Variants in ACHE observed in about 807,000 individuals in gnomAD.
The protein encoded by ACHE is acetylcholinesterase.
ACHE carries 19 observed loss-of-function variants against 53.9 expected under a neutral mutation model. The observed-to-expected ratio is 0.35, with a 90% CI of 0.25 to 0.52. ACHE has a LOEUF of 0.52. ACHE is among the 20% of genes least tolerant of loss of function. ACHE has a pLI of 0.95. For synonymous variants in ACHE, 392 were observed against 378.1 expected (o/e 1.04, Z -0.43); for missense variants, 605 against 849.4 (o/e 0.71, Z 3.58).
At position 100,891,099 on chromosome 7, in the gene ACHE, AAG is replaced by A. The variant is rs1375740190; in HGVS notation, c.1723+68_1723+69del. On this transcript the variant is annotated intron_variant, in intron 4 of 4. Transcript: ENST00000241069. ...TGGGAGCCTCCGAGGCTAGGGGGAG[AAG>A]AGAGGGGTTACACCTGGCGGGCTCC... The A allele has an allele frequency of 1.9e-6, 3 of 1,547,988 alleles. No homozygotes were observed. In the South Asian group the frequency reaches 3.6e-5, roughly 18 times the overall value.
upstream of ACHE, chr7:100,896,980 G>A (rs1324682131): frequency 6.7e-6 from 1 of 150,022 alleles, no homozygotes; most frequent in African/African-American, 2.4e-5. Context: ...GCGCAGGCCA[G>A]CGTCGGGCGT....
rs977063033 is a variant in ACHE, at chr7:100,891,291, T to A, written c.1601A>T (p.Tyr534Phe). Residue 534 changes from tyrosine (Y) to phenylalanine (F), a missense_variant, in exon 4 of 5, where the codon TAC becomes TTC. Coordinates refer to ENST00000241069, the MANE Select transcript of ACHE (RefSeq NM_000665.5). ...RDPKAPQWPP[Y>F]TAGAQQYVSL... ...AACGTACTGCTGAGCCCCCGCCGTG[T>A]ACGGGGGCCATTGTGGGGCCTTGGG... 5 of 1,600,514 alleles carry A rather than the reference T, an allele frequency of 3.1e-6. No individual in the cohort carries two copies. The highest frequency in any genetic ancestry group is 4.3e-6 in the Non-Finnish European group (5 of 1,174,762).
In ACHE at chr7:100,893,197, G is replaced by C; in HGVS notation, c.1036C>G (p.Leu346Val). The change falls in exon 2 of 5, where the codon CTC (leucine) becomes GTC (valine). Residue 346 changes from leucine to valine, a missense_variant. Leu to Val is a conservative substitution (Grantham distance 32). This residue lies in a region of ACHE where 397 missense variants were observed against 632.5 expected (regional missense o/e 0.63). Coordinates refer to ENST00000241069, the MANE Select transcript of ACHE (RefSeq NM_000665.5). ...CCGTGGAAGTCTCCCGCGTTGATGAGGGCCTCTGGGGTGTCACTGAGGAAG... is the reference window on the plus strand; with the variant it reads ...CCGTGGAAGTCTCCCGCGTTGATGACGGCCTCTGGGGTGTCACTGAGGAAG... ...GDFLSDTPEA[L>V]INAGDFHGLQ... 1 of 1,614,012 alleles carries C rather than the reference G, an allele frequency of 6.2e-7. No individual in the cohort carries two copies. Among genetic ancestry groups the C allele is most frequent in the Non-Finnish European group, 8.5e-7 (1 of 1,180,008 alleles).
intron 4 of ACHE, chr7:100,890,873 TGA>T: frequency 6.9e-7 from 1 of 1,459,018 alleles, no homozygotes; most frequent in South Asian, 1.5e-5. Context: ...GCACTAGGTC[TGA>T]GATCCCTGAG....
rs1175797633 is a variant in ACHE at position 100,894,190 on chromosome 7, A to G, written c.43T>C (p.Ser15Pro). The G allele has an allele frequency of 6.8e-7, 1 of 1,477,098 alleles. No homozygotes were observed. The highest frequency in any genetic ancestry group is 2.5e-5 in the Admixed American group (1 of 40,506). The allele number at this position is 1,477,098 out of a possible 1,614,324, so 91.5% of individuals were successfully genotyped here. A position where few individuals can be genotyped will look rare whatever the true frequency, so the allele number is the denominator to read the frequency against. The change falls in exon 2 of 5, where the codon TCC (serine) becomes CCC (proline). Residue 15 changes from serine (S) to proline (P), a missense_variant. By Grantham distance (74) the Ser-to-Pro change is moderately conservative. Transcript: ENST00000241069. Reference protein sequence around the residue: ...QCLLHTPSLASPLLLLLLWLL... With the variant: ...QCLLHTPSLAPPLLLLLLWLL... ...CAGAGGAGGAGGAGAAGGAGTGGGGAAGCCAGGGAAGGCGTGTGCAGCAGA... is the reference window on the plus strand; with the variant it reads ...CAGAGGAGGAGGAGAAGGAGTGGGGGAGCCAGGGAAGGCGTGTGCAGCAGA...
At chr7:100,890,776 G>T in intron 4 of ACHE, 1 of 1,350,282 alleles carries the variant, frequency 7.4e-7, no homozygotes, top group Admixed American at 3.6e-5. Context: ...AACAACAAAG[G>T]CGTGGGGGTC....
intron 1 of ACHE, among the ~76,000 whole-genome samples, chr7:100,894,865 TCCCAG>T (rs1009210693): frequency 2.0e-5 from 3 of 149,156 alleles, no homozygotes; most frequent in African/African-American, 7.5e-5. Context: ...CTGCGCACGC[TCCCAG>T]CCCAGCCCCA....
intron 1 of ACHE, chr7:100,894,469 T>G: frequency 2.4e-6 from 1 of 415,390 alleles, no homozygotes. Flanking sequence ...CAGACACCCA[T>G]ATCCAGACAA....
chr7:100,892,325 A>G lies in ACHE; in HGVS notation c.1553+9T>C. On this transcript the variant is annotated intron_variant, in intron 3 of 4. Transcript: ENST00000241069. The surrounding 1 kb of genome is among the most constrained non-coding windows in gnomAD (Gnocchi z 5.2). ...CCTCCCCAGCCTTCTCTCCCTCTGC[A>G]CTGCTGACCCTGTGCGGGCAAAGTT... 2.0e-6 allele frequency: 3 copies of G among 1,503,446 alleles called. No homozygotes were observed. Among genetic ancestry groups the G allele is most frequent in the East Asian group, 2.3e-5 (1 of 43,584 alleles). The allele number at this position is 1,503,446 out of a possible 1,614,324, so 93.1% of individuals were successfully genotyped here.
At chr7:100,896,433 T>A (rs1462628603), upstream of ACHE, 1 of 177,844 alleles carries the variant, frequency 5.6e-6, no homozygotes, top group Non-Finnish European at 1.3e-5. Context: ...CGTGGGACAC[T>A]CCTGGGGATG....
intron 3 of ACHE, among the ~76,000 whole-genome samples, chr7:100,891,683 G>C (rs928005704): frequency 1.3e-5 from 2 of 151,814 alleles, no homozygotes; most frequent in Non-Finnish European, 1.5e-5. Context: ...TCCTCTTCTC[G>C]ATCCAGGTAA....
Position 100,892,095 on chromosome 7 carries a change from T to C in ACHE, c.1553+239A>G, listed in dbSNP as rs187473574. ...GAGCCACTGTGCCCCGCCCCCTCCA[T>C]GTCTACCTCGTCTCCTCCTCACTTT... On this transcript the variant is annotated intron_variant, in intron 3 of 4. Transcript: ENST00000241069. The surrounding 1 kb of genome is among the most constrained non-coding windows in gnomAD (Gnocchi z 5.2). Among the ~76,000 whole-genome samples, 17 of 151,970 alleles carry C rather than the reference T, an allele frequency of 1.1e-4. No individual in the cohort carries two copies. The highest frequency in any genetic ancestry group is 3.4e-4 in the African/African-American group (14 of 41,460).
chr7:100,892,271 T>G lies in ACHE; in HGVS notation c.1553+63A>C. On this transcript the variant is annotated intron_variant, in intron 3 of 4. Transcript: ENST00000241069. This position sits in a 1 kb window ranked among gnomAD's most constrained non-coding sequence, Gnocchi z 5.2. ...CCTTTCTGTCTCCGTGTGTCTGCCT[T>G]TGTGTGTCCTCCCGCCCCCGACTCC... 1 of 1,467,186 alleles carries G rather than the reference T, an allele frequency of 6.8e-7. No homozygotes were observed. 90.9% of individuals were successfully genotyped at this position (1,467,186 alleles called of 1,614,324 possible).
intron 4 of ACHE, 77 bp downstream of exon 4, chr7:100,891,092 G>C (rs1440181719): frequency 4.5e-6 from 7 of 1,540,334 alleles, no homozygotes; most frequent in South Asian, 1.2e-5. Flanking sequence ...TCCGAGGCTA[G>C]GGGGAGAAGA....
chr7:100,890,116 A>T lies in ACHE; in HGVS notation c.*98T>A, dbSNP rs1227046867. Reference sequence around the variant, plus strand: ...GTCGGGGTGGGGTGGGGATGGGCAGAGTCTGGGGCTCGTCTGTGTTATAGC... The same window carrying T: ...GTCGGGGTGGGGTGGGGATGGGCAGTGTCTGGGGCTCGTCTGTGTTATAGC... On this transcript the variant is annotated 3_prime_UTR_variant, in exon 5 of 5. Transcript: ENST00000241069. The T allele has an allele frequency of 2.0e-6, 3 of 1,466,288 alleles. No individual in the cohort carries two copies. The highest frequency in any genetic ancestry group is 2.8e-6 in the Non-Finnish European group (3 of 1,087,160). The allele number at this position is 1,466,288 out of a possible 1,614,324, so 90.8% of individuals were successfully genotyped here.
rs749004073 is a variant in ACHE at position 100,891,356 on chromosome 7, G to C, written c.1554-18C>G. The C allele has an allele frequency of 9.0e-5, 137 of 1,525,162 alleles. No individual in the cohort carries two copies. The highest frequency in any genetic ancestry group is 1.1e-4 in the Non-Finnish European group (131 of 1,141,398). The allele number at this position is 1,525,162 out of a possible 1,614,324, so 94.5% of individuals were successfully genotyped here. On this transcript the variant is annotated intron_variant, in intron 3 of 4. Coordinates refer to ENST00000241069, the MANE Select transcript of ACHE (RefSeq NM_000665.5). Reference sequence around the variant, plus strand: ...TGGGATCCCTGCGGAAGGAAGGGAAGGCTCAGTCCAGACGGGCAGTGGGAG... The same window carrying C: ...TGGGATCCCTGCGGAAGGAAGGGAACGCTCAGTCCAGACGGGCAGTGGGAG...
In ACHE at chr7:100,890,193, G is replaced by A; in HGVS notation, c.*21C>T. The A allele has an allele frequency of 6.2e-7, 1 of 1,613,540 alleles. No homozygotes were observed. Among genetic ancestry groups the A allele is most frequent in the Non-Finnish European group, 8.5e-7 (1 of 1,179,536 alleles). ...AGCTAGGGGGCCGGGCGGAGCGGAG[G>A]ACATGGGGGTCCCGCCGGGGTCACA... On this transcript the variant is annotated 3_prime_UTR_variant, in exon 5 of 5. Coordinates refer to ENST00000241069, the MANE Select transcript of ACHE (RefSeq NM_000665.5).
In ACHE at chr7:100,891,343, G is replaced by A. The variant is rs1385822596; in HGVS notation, c.1554-5C>T. The A allele has an allele frequency of 2.8e-5, 43 of 1,534,694 alleles. No homozygotes were observed. Among genetic ancestry groups the A allele is most frequent in the Non-Finnish European group, 3.4e-5 (39 of 1,145,576 alleles). On this transcript the variant is annotated splice_region_variant and splice_polypyrimidine_tract_variant and intron_variant, in intron 3 of 4. Coordinates refer to ENST00000241069, the MANE Select transcript of ACHE (RefSeq NM_000665.5). ...TCTCGGGGCTCATTGGGATCCCTGC[G>A]GAAGGAAGGGAAGGCTCAGTCCAGA...
At chr7:100,895,694 C>G (rs1337102580) in intron 1 of ACHE, 108 bp downstream of exon 1, 2 of 152,760 alleles carry the variant, frequency 1.3e-5, no homozygotes, top group East Asian at 3.9e-4. Flanking sequence ...CGGGGCAGGC[C>G]CGGGGAAGCG....
Sources: gnomAD v4.1 joint callset for allele counts (sites outside exome capture counted in the v4.1 genomes callset) on GRCh38, gnomAD v4.1.1 for gene constraint, gnomAD v4.1.1 regional missense constraint, Gnocchi (gnomAD v3.1) non-coding constraint, MANE v1.5 for transcripts, NCBI Gene and HGNC (gene_info 2026-07-23, HGNC 2026-07-21) for gene names.